Variants in PPARA observed in about 807,000 individuals in gnomAD.
PPARA encodes the protein peroxisome proliferator-activated receptor alpha.
In PPARA, 22 loss-of-function variants were observed where a neutral mutation model predicts 42.2. The ratio of observed to expected loss-of-function variants is 0.52; its 90% CI spans 0.37 to 0.74. The LOEUF (loss-of-function observed/expected upper bound fraction) is 0.74, where lower values mean the gene tolerates loss of function less well. Among genes scored for constraint, PPARA ranks in the 30% least tolerant of loss-of-function variants. The pLI is 0.00. For missense variants in PPARA, 465 were observed against 608.2 expected (o/e 0.76, Z 2.48); for synonymous variants, 242 against 239.3 (o/e 1.01, Z -0.10).
chr22:46,194,608 G>C (rs1458709106), intron 3 of PPARA, among the ~76,000 whole-genome samples: 1 of 99,812 alleles, frequency 1.0e-5, no homozygotes, highest in African/African-American at 4.0e-5. Flanking sequence ...GTCTCGCTTT[G>C]TCACCCAGAC....
intron 7 of PPARA, among the ~76,000 whole-genome samples, chr22:46,228,005 G>GTTTC (rs1421649544): frequency 6.6e-6 from 1 of 152,170 alleles, no homozygotes; most frequent in African/African-American, 2.4e-5. Flanking sequence ...GTGGTCTCCA[G>GTTTC]TTCTCCCTGC....
chr22:46,168,669 T>C (rs796744311), intron 2 of PPARA, among the ~76,000 whole-genome samples: 61 of 151,984 alleles, frequency 4.0e-4, no homozygotes, highest in African/African-American at 1.3e-3. Context: ...TGAAAAGATG[T>C]TCATGTGCCT....
At position 46,237,741 on chromosome 22, in the gene PPARA, A is replaced by G. The variant is rs1240176284; in HGVS notation, c.*2361A>G. On this transcript the variant is annotated 3_prime_UTR_variant, in exon 9 of 9. Transcript: ENST00000407236. This position sits in a 1 kb window ranked among gnomAD's most constrained non-coding sequence, Gnocchi z 6.7. ...GTGTTTCCATATATGCCACCAGCCA[A>G]GTGGCCATCCTAATTCAGAAAGAAG... The G allele has an allele frequency of 6.6e-6, 1 of 152,300 alleles. No individual in the cohort carries two copies. The highest frequency in any genetic ancestry group is 2.4e-5 in the African/African-American group (1 of 41,482). The allele number at this position is 152,300 out of a possible 1,614,324, so 9.4% of individuals were successfully genotyped here.
chr22:46,242,731 GCA>G lies in PPARA; in HGVS notation c.*7380_*7381del, dbSNP rs3840962. On this transcript the variant is annotated 3_prime_UTR_variant, in exon 9 of 9. Coordinates refer to ENST00000407236, the MANE Select transcript of PPARA (RefSeq NM_005036.6). This position sits in a 1 kb window ranked among gnomAD's most constrained non-coding sequence, Gnocchi z 6.1. ...AAATACACTGCGTACACGTGTGCGT[GCA>G]CACACACACACACACACACACACAC... is the stretch of plus-strand genomic sequence containing the variant. The G allele has an allele frequency of 0.051, 6,720 of 132,060 alleles. 237 individuals are homozygous for G. The highest frequency in any genetic ancestry group is 0.099 in the African/African-American group (3,972 of 39,936). 8.2% of individuals were successfully genotyped at this position (132,060 alleles called of 1,614,324 possible).
At chr22:46,157,720 C>T (rs971460085) in intron 2 of PPARA, among the ~76,000 whole-genome samples, 1 of 152,182 alleles carries the variant, frequency 6.6e-6, no homozygotes, top group Non-Finnish European at 1.5e-5. Context: ...GTGGGCAGCA[C>T]TGATATTTAA....
rs531309782 is a variant in PPARA at position 46,241,956 on chromosome 22, C to T, written c.*6576C>T. On this transcript the variant is annotated 3_prime_UTR_variant, in exon 9 of 9. Transcript: ENST00000407236. This position sits in a 1 kb window ranked among gnomAD's most constrained non-coding sequence, Gnocchi z 5.7. ...AGAGAGAAAAAATAATTGATTTTTA[C>T]ATCAGAGATAGCAAACTAAGACCTG... 25 of 147,110 alleles carry T rather than the reference C, an allele frequency of 1.7e-4. No individual in the cohort carries two copies. Among genetic ancestry groups the T allele is most frequent in the East Asian group, 1.4e-3 (7 of 4,982 alleles). 9.1% of individuals were successfully genotyped at this position (147,110 alleles called of 1,614,324 possible).
At chr22:46,207,165 G>A (rs1314496032) in intron 4 of PPARA, among the ~76,000 whole-genome samples, 1 of 151,264 alleles carries the variant, frequency 6.6e-6, no homozygotes, top group Non-Finnish European at 1.5e-5. Flanking sequence ...AGAGGTTGCA[G>A]TGAGCCAAGA....
At chr22:46,181,463 G>C (rs1364199145) in intron 3 of PPARA, among the ~76,000 whole-genome samples, 1 of 152,172 alleles carries the variant, frequency 6.6e-6, no homozygotes, top group Non-Finnish European at 1.5e-5. Context: ...AGTCTGGAAC[G>C]AAAGTGAGAG....
In PPARA at chr22:46,238,063, C is replaced by T. The variant is rs942016016; in HGVS notation, c.*2683C>T. ...GTAACAGTGAGCTGACTGGCAAGTTCGATGTTAGCTCCCGGGACACTCAGC... is the reference window on the plus strand; with the variant it reads ...GTAACAGTGAGCTGACTGGCAAGTTTGATGTTAGCTCCCGGGACACTCAGC... On this transcript the variant is annotated 3_prime_UTR_variant, in exon 9 of 9. Coordinates refer to ENST00000407236, the MANE Select transcript of PPARA (RefSeq NM_005036.6). The surrounding 1 kb of genome is among the most constrained non-coding windows in gnomAD (Gnocchi z 8.3). The T allele has an allele frequency of 2.0e-5, 3 of 152,162 alleles. No individual in the cohort carries two copies. The highest frequency in any genetic ancestry group is 4.4e-5 in the Non-Finnish European group (3 of 68,050). 9.4% of individuals were successfully genotyped at this position (152,162 alleles called of 1,614,324 possible).
rs536820833 is a variant in PPARA, at chr22:46,215,428, G to C, written c.369+95G>C. 5.2e-5 allele frequency: 79 copies of C among 1,520,462 alleles called. No homozygotes were observed. The African/African-American group carries it at 9.6e-4, about 18-fold the overall frequency. 94.2% of individuals were successfully genotyped at this position (1,520,462 alleles called of 1,614,324 possible). A position where few individuals can be genotyped will look rare whatever the true frequency, so the allele number is the denominator to read the frequency against. On this transcript the variant is annotated intron_variant, in intron 5 of 8. Transcript: ENST00000407236. ...TGGCAGTCATTACTGAGAGATTGCA[G>C]AAAGTCCCGGATAAGAAACTGACTT... is the stretch of plus-strand genomic sequence containing the variant.
chr22:46,188,730 C>G lies in PPARA; in HGVS notation c.-42-9612C>G, dbSNP rs983645387. Reference sequence around the variant, plus strand: ...TTTTCCTTCCCGTGCCAGTGCCACACCCCCCTGTCCCAGTGCACTGGGGCT... The same window carrying G: ...TTTTCCTTCCCGTGCCAGTGCCACAGCCCCCTGTCCCAGTGCACTGGGGCT... On this transcript the variant is annotated intron_variant, in intron 3 of 8. Coordinates refer to ENST00000407236, the MANE Select transcript of PPARA (RefSeq NM_005036.6). This position sits in a 1 kb window ranked among gnomAD's most constrained non-coding sequence, Gnocchi z 5.0. 6.6e-6 allele frequency: 1 copy of G among 152,170 alleles called. No individual in the cohort carries two copies. Among genetic ancestry groups the G allele is most frequent in the Non-Finnish European group, 1.5e-5 (1 of 68,048 alleles). 9.4% of individuals were successfully genotyped at this position (152,170 alleles called of 1,614,324 possible).
rs1936131897 is a variant in PPARA at position 46,235,123 on chromosome 22, T to C, written c.1160-10T>C. 1 of 1,613,968 alleles carries C rather than the reference T, an allele frequency of 6.2e-7. No homozygotes were observed. The highest frequency in any genetic ancestry group is 8.5e-7 in the Non-Finnish European group (1 of 1,179,864). ...CACACTCAAACCTCTCTCTCTTCTT[T>C]CGAGACTAGATCGTCCTGGCCTTCT... On this transcript the variant is annotated splice_polypyrimidine_tract_variant and intron_variant, in intron 8 of 8. Transcript: ENST00000407236. The surrounding 1 kb of genome is among the most constrained non-coding windows in gnomAD (Gnocchi z 7.0).
At chr22:46,220,086 C>A in intron 7 of PPARA, 72 bp downstream of exon 7, 1 of 1,514,324 alleles carries the variant, frequency 6.6e-7, no homozygotes, top group Non-Finnish European at 9.1e-7. Context: ...ATTAAGGACA[C>A]ATGTGTTGAA....
chr22:46,215,472 T>A lies in PPARA; in HGVS notation c.369+139T>A, dbSNP rs1211431591. ...CTGACTTCAGGCCAGGCGCGGTATC[T>A]CATGCCTATAATTCCAGCACTTTGG... On this transcript the variant is annotated intron_variant, in intron 5 of 8. Coordinates refer to ENST00000407236, the MANE Select transcript of PPARA (RefSeq NM_005036.6). 11 of 1,114,410 alleles carry A rather than the reference T, an allele frequency of 9.9e-6. No homozygotes were observed. In the East Asian group the frequency reaches 2.9e-4, roughly 29 times the overall value. The allele number at this position is 1,114,410 out of a possible 1,614,324, so 69.0% of individuals were successfully genotyped here. A position where few individuals can be genotyped will look rare whatever the true frequency, so the allele number is the denominator to read the frequency against.
rs752652502 is a variant in PPARA, at chr22:46,231,777, T to C, written c.712-15T>C. ...TCCCACATCACCTGACTTACCTTGGTGTCCTCCTTTGTAGCCTTTTGTCAT... is the reference window on the plus strand; with the variant it reads ...TCCCACATCACCTGACTTACCTTGGCGTCCTCCTTTGTAGCCTTTTGTCAT... On this transcript the variant is annotated splice_polypyrimidine_tract_variant and intron_variant, in intron 7 of 8. Transcript: ENST00000407236. This position sits in a 1 kb window ranked among gnomAD's most constrained non-coding sequence, Gnocchi z 7.7. 2 of 1,610,872 alleles carry C rather than the reference T, an allele frequency of 1.2e-6. No homozygotes were observed. The highest frequency in any genetic ancestry group is 1.7e-6 in the Non-Finnish European group (2 of 1,179,390).
chr22:46,225,222 A>C lies in PPARA; in HGVS notation c.711+5208A>C, dbSNP rs1935322978. 6.6e-6 allele frequency among the ~76,000 whole-genome samples: 1 copy of C among 152,134 alleles called. No homozygotes were observed. Among genetic ancestry groups the C allele is most frequent in the Non-Finnish European group, 1.5e-5 (1 of 68,022 alleles). ...ACTGTTTGAGCCCCTGAGATTTCAG[A>C]ACCGTGGGCCAGAAAATGGTCAGGG... is the stretch of plus-strand genomic sequence containing the variant. On this transcript the variant is annotated intron_variant, in intron 7 of 8. Coordinates refer to ENST00000407236, the MANE Select transcript of PPARA (RefSeq NM_005036.6). The surrounding 1 kb of genome is among the most constrained non-coding windows in gnomAD (Gnocchi z 4.1).
At chr22:46,175,775 A>G (rs1280299531) in intron 2 of PPARA, among the ~76,000 whole-genome samples, 1 of 151,966 alleles carries the variant, frequency 6.6e-6, no homozygotes, top group East Asian at 1.9e-4. Flanking sequence ...TTTGAGACTC[A>G]GGGTAATTCT....
rs532005189 is a variant in PPARA at position 46,234,478 on chromosome 22, C to T, written c.1160-655C>T. On this transcript the variant is annotated intron_variant, in intron 8 of 8. Coordinates refer to ENST00000407236, the MANE Select transcript of PPARA (RefSeq NM_005036.6). This position sits in a 1 kb window ranked among gnomAD's most constrained non-coding sequence, Gnocchi z 5.8. ...GTCCCAGGATGTCTAGTGCCAGCTA[C>T]CCCAGGCAGGTCATCTGGTGTGAAT... is the stretch of plus-strand genomic sequence containing the variant. Among the ~76,000 whole-genome samples the T allele has an allele frequency of 1.6e-4, 24 of 152,162 alleles. No individual in the cohort carries two copies. Among genetic ancestry groups the T allele is most frequent in the Middle Eastern group, 3.4e-3 (1 of 294 alleles).
At position 46,222,944 on chromosome 22, in the gene PPARA, G is replaced by C. The variant is rs1033780230; in HGVS notation, c.711+2930G>C. Among the ~76,000 whole-genome samples the C allele has an allele frequency of 6.6e-6, 1 of 152,144 alleles. No individual in the cohort carries two copies. The highest frequency in any genetic ancestry group is 1.5e-5 in the Non-Finnish European group (1 of 68,018). On this transcript the variant is annotated intron_variant, in intron 7 of 8. Transcript: ENST00000407236. The surrounding 1 kb of genome is among the most constrained non-coding windows in gnomAD (Gnocchi z 5.9). ...GGAAGCTGAGATGGGAGGATGGCTT[G>C]AGCCCAGGAGTTCAAAACCAACCTG...
Sources: allele counts gnomAD v4.1 joint callset (sites outside exome capture counted in the v4.1 genomes callset), GRCh38; gene constraint gnomAD v4.1.1; non-coding constraint Gnocchi (gnomAD v3.1); transcripts MANE v1.5; gene names NCBI Gene and HGNC (gene_info 2026-07-23, HGNC 2026-07-21).